The following OCA2 variants were observed in gnomAD, a reference collection of about 807,000 sequenced individuals.
OCA2 encodes the protein P protein.
OCA2 carries 77 observed loss-of-function variants against 100.2 expected under a neutral mutation model. The observed-to-expected ratio is 0.77, with a 90% CI of 0.64 to 0.93. OCA2 has a LOEUF of 0.93. Ranked by LOEUF, OCA2 falls within the 40% of genes least tolerant of loss-of-function variation. The pLI, the probability that OCA2 is intolerant of heterozygous loss-of-function variation, is 0.00. For missense variants in OCA2, 1,062 were observed against 1,089.1 expected (o/e 0.98, Z 0.35); for synonymous variants, 432 against 439.2 (o/e 0.98, Z 0.21).
At chr15:27,747,176 T>C in the OCA2 span, among the ~76,000 whole-genome samples, 1 of 152,168 alleles carries the variant, frequency 6.6e-6, no homozygotes, top group Non-Finnish European at 1.5e-5. Context: ...AGGAGGGGAC[T>C]CCACCCCAGC....
At chr15:27,935,989 C>T (rs189220622) in intron 18 of OCA2, among the ~76,000 whole-genome samples, 28 of 152,292 alleles carry the variant, frequency 1.8e-4, no homozygotes, top group Non-Finnish European at 2.5e-4. Context: ...TTCATCCTTC[C>T]AAACAGGAAA....
chr15:28,097,955 A>G (rs540674909), intron 1 of OCA2, among the ~76,000 whole-genome samples: 3 of 152,006 alleles, frequency 2.0e-5, no homozygotes, highest in African/African-American at 7.2e-5. Context: ...GCTGCCTGCC[A>G]CTCCAGCATA....
intron 19 of OCA2, among the ~76,000 whole-genome samples, chr15:27,913,423 C>G (rs955999693): frequency 1.3e-5 from 2 of 152,040 alleles, no homozygotes; most frequent in Non-Finnish European, 2.9e-5. Context: ...AATACATCAT[C>G]TTAAAAGTGT....
chr15:27,974,489 G>A (rs1567178973), intron 14 of OCA2, among the ~76,000 whole-genome samples: 4 of 152,180 alleles, frequency 2.6e-5, no homozygotes, highest in South Asian at 4.1e-4. Context: ...AATCAAGGCC[G>A]GGCATGGCGG....
At chr15:27,818,835 T>C (rs917239995) in intron 23 of OCA2, among the ~76,000 whole-genome samples, 3 of 152,222 alleles carry the variant, frequency 2.0e-5, no homozygotes, top group African/African-American at 7.2e-5. Flanking sequence ...TGTCCCTCTG[T>C]AGCAAAAGGC....
chr15:27,907,186 C>T (rs936254983), intron 19 of OCA2, among the ~76,000 whole-genome samples: 1 of 152,064 alleles, frequency 6.6e-6, no homozygotes, highest in Non-Finnish European at 1.5e-5. Context: ...TTTTGAAATA[C>T]AAAAACCTCT....
Position 27,831,284 on chromosome 15 carries a change from C to CAAAAAAAAAAAAAAAAAAAAA in OCA2, c.2432+13654_2432+13674dup, listed in dbSNP as rs71132824. On this transcript the variant is annotated intron_variant, in intron 23 of 23. Coordinates refer to ENST00000354638, the MANE Select transcript of OCA2 (RefSeq NM_000275.3). ...CTGGTGACAGAGCGAGACTCCGTCT[C>CAAAAAAAAAAAAAAAAAAAAA]AAAAAAAAAAAAAAAAAAAAAATCG... 1.3e-4 allele frequency among the ~76,000 whole-genome samples: 8 copies of CAAAAAAAAAAAAAAAAAAAAA among 62,634 alleles called. 1 individual carries two copies. Among genetic ancestry groups the CAAAAAAAAAAAAAAAAAAAAA allele is most frequent in the Non-Finnish European group, 2.3e-4 (8 of 35,364 alleles). 41.1% of individuals were successfully genotyped at this position (62,634 alleles called of 152,430 possible). A position where few individuals can be genotyped will look rare whatever the true frequency, so the allele number is the denominator to read the frequency against.
At chr15:28,059,858 T>G (rs2043817674) in intron 2 of OCA2, among the ~76,000 whole-genome samples, 2 of 152,194 alleles carry the variant, frequency 1.3e-5, no homozygotes, top group South Asian at 2.1e-4. Context: ...TGGGAGCATG[T>G]GAAGTCAATT....
chr15:27,860,424 G>C (rs557305107), intron 21 of OCA2, among the ~76,000 whole-genome samples: 1 of 152,266 alleles, frequency 6.6e-6, no homozygotes, highest in South Asian at 2.1e-4. Flanking sequence ...GTACCTGCTC[G>C]GTAGTTTTTC....
chr15:27,994,817 C>T (rs947272066), intron 9 of OCA2, among the ~76,000 whole-genome samples: 6 of 152,192 alleles, frequency 3.9e-5, no homozygotes, highest in African/African-American at 9.7e-5. Flanking sequence ...CTGATCTTCA[C>T]GCATCTGCCC....
chr15:27,729,664 T>C, the OCA2 span, among the ~76,000 whole-genome samples: 2 of 152,174 alleles, frequency 1.3e-5, no homozygotes, highest in Admixed American at 1.3e-4. Context: ...ATGCTGCCAC[T>C]TTCTCTGCCT....
At chr15:27,929,133 A>T (rs2039153293) in intron 18 of OCA2, among the ~76,000 whole-genome samples, 1 of 152,346 alleles carries the variant, frequency 6.6e-6, no homozygotes, top group Non-Finnish European at 1.5e-5. Flanking sequence ...TTTGTGTAGA[A>T]ATTAACAAAC....
chr15:27,777,308 G>A (rs772369189), intron 23 of OCA2, among the ~76,000 whole-genome samples: 7 of 152,116 alleles, frequency 4.6e-5, no homozygotes, highest in Non-Finnish European at 7.4e-5. Context: ...AGAAAAAAAC[G>A]CTAGAGCAAT....
chr15:27,767,158 G>C (rs1314327250), intron 23 of OCA2, among the ~76,000 whole-genome samples: 1 of 152,186 alleles, frequency 6.6e-6, no homozygotes, highest in Non-Finnish European at 1.5e-5. Flanking sequence ...CTAGGATCAA[G>C]GCTATCAAGC....
intron 11 of OCA2, among the ~76,000 whole-genome samples, chr15:27,989,226 C>G (rs893959364): frequency 6.6e-6 from 1 of 152,206 alleles, no homozygotes; most frequent in African/African-American, 2.4e-5. Context: ...CCAACTAATA[C>G]TTAGGAGTGA....
intron 21 of OCA2, among the ~76,000 whole-genome samples, chr15:27,870,810 AAGAG>A (rs149989219): frequency 2.3e-5 from 2 of 88,138 alleles, no homozygotes; most frequent in Admixed American, 3.3e-4. Context: ...GAAAGAAAGA[AAGAG>A]AGAGAGAAAG....
At chr15:27,917,153 A>G (rs181625337) in intron 19 of OCA2, among the ~76,000 whole-genome samples, 1 of 152,136 alleles carries the variant, frequency 6.6e-6, no homozygotes, top group Non-Finnish European at 1.5e-5. Context: ...TAGTTTGAAC[A>G]TGAATAGGTT....
At position 28,007,370 on chromosome 15, in the gene OCA2, G is replaced by C. The variant is rs141358414; in HGVS notation, c.1044+7406C>G. 1.2e-3 allele frequency among the ~76,000 whole-genome samples: 177 copies of C among 152,374 alleles called. 1 individual carries two copies. The highest frequency in any genetic ancestry group is 4.2e-3 in the African/African-American group (173 of 41,582). ...GGAAATCTCCCAGAGCCGTATTATA[G>C]ATGCAAAGTGCAAGAGTTAGGAGGA... On this transcript the variant is annotated intron_variant, in intron 9 of 23. Transcript: ENST00000354638.
At chr15:28,078,709 G>T (rs2044515283) in intron 2 of OCA2, among the ~76,000 whole-genome samples, 1 of 152,182 alleles carries the variant, frequency 6.6e-6, no homozygotes, top group Non-Finnish European at 1.5e-5. Flanking sequence ...CCTGAGCAGA[G>T]GACCTAGGTC....
Sources: allele counts gnomAD v4.1 joint callset (sites outside exome capture counted in the v4.1 genomes callset), GRCh38; gene constraint gnomAD v4.1.1; transcripts MANE v1.5; gene names NCBI Gene and HGNC (gene_info 2026-07-23, HGNC 2026-07-21).